Variants in EFCAB8 observed in about 807,000 individuals in gnomAD.
EFCAB8 encodes the protein EF-hand calcium binding domain 8.
Under a neutral mutation model 116.3 loss-of-function variants are expected in EFCAB8, and 100 were observed. That is an observed-to-expected ratio of 0.86 (90% confidence interval 0.73 to 1.02). The LOEUF (loss-of-function observed/expected upper bound fraction) is 1.02. EFCAB8 is among the 50% of genes least tolerant of loss of function. EFCAB8 has a pLI of 0.00. For synonymous variants in EFCAB8, 558 were observed against 567.9 expected (o/e 0.98, Z 0.25); for missense variants, 1,320 against 1,416.9 (o/e 0.93, Z 1.10).
At chr20:32,915,409 G>T (rs1365465531) in intron 17 of EFCAB8, among the ~76,000 whole-genome samples, 1 of 152,146 alleles carries the variant, frequency 6.6e-6, no homozygotes, top group Non-Finnish European at 1.5e-5. Flanking sequence ...TTGCCATTTT[G>T]TAACAAGTAT....
At chr20:32,948,537 AAAG>A (rs1409482267) in intron 23 of EFCAB8, among the ~76,000 whole-genome samples, 2 of 121,270 alleles carry the variant, frequency 1.6e-5, no homozygotes, top group Non-Finnish European at 3.5e-5. Context: ...AGAAAGAAAG[AAAG>A]AAAGAAAGAA....
chr20:32,863,977 A>G (rs914808997), intron 2 of EFCAB8, 143 bp downstream of exon 2: 1 of 949,120 alleles, frequency 1.1e-6, no homozygotes, highest in Non-Finnish European at 1.5e-6. Flanking sequence ...AGGTAACTTA[A>G]GTGTATTTTT....
intron 13 of EFCAB8, 85 bp downstream of exon 13, chr20:32,907,079 G>C: frequency 6.9e-7 from 1 of 1,442,212 alleles, no homozygotes; most frequent in Non-Finnish European, 9.1e-7. Context: ...CCTGCCCACG[G>C]CCCCACATCT....
At chr20:32,912,669 C>T in intron 16 of EFCAB8, 125 bp from the exon 17 acceptor site, 1 of 695,836 alleles carries the variant, frequency 1.4e-6, no homozygotes, top group Non-Finnish European at 2.6e-6. Flanking sequence ...GGTGGTATCA[C>T]CTGTAGGTGA....
chr20:32,892,312 G>T lies in EFCAB8; in HGVS notation c.758+15G>T. On this transcript the variant is annotated intron_variant, in intron 8 of 26. Transcript: ENST00000400522. ...ATGGACTACTGGTGAGTCTCCACTG[G>T]GTGTTCCTCACATGAACCAGGAGGC... 6.4e-7 allele frequency: 1 copy of T among 1,550,790 alleles called. No individual in the cohort carries two copies.
intron 22 of EFCAB8, among the ~76,000 whole-genome samples, chr20:32,933,376 A>T (rs764629387): frequency 7.9e-5 from 12 of 152,282 alleles, no homozygotes; most frequent in Middle Eastern, 6.8e-3. Context: ...GACATTTCTG[A>T]GGCACAGTGT....
chr20:32,957,690 C>G (rs767727419), intron 23 of EFCAB8, among the ~76,000 whole-genome samples: 1 of 152,082 alleles, frequency 6.6e-6, no homozygotes, highest in Non-Finnish European at 1.5e-5. Flanking sequence ...ATCATGCCAG[C>G]CACAGTGGAT....
At chr20:32,882,011 A>G (rs1284122363) in intron 5 of EFCAB8, among the ~76,000 whole-genome samples, 2 of 152,176 alleles carry the variant, frequency 1.3e-5, no homozygotes, top group Non-Finnish European at 2.9e-5. Context: ...AGTCCTGGCC[A>G]ACATGGTGAA....
At position 32,879,683 on chromosome 20, in the gene EFCAB8, G is replaced by A. The variant is rs1211047354; in HGVS notation, c.431+876G>A. On this transcript the variant is annotated intron_variant, in intron 5 of 26. Transcript: ENST00000400522. ...AGGACAGAGGGGCGATGAGCCAAGC[G>A]TAATACATGGCGGAAATAGCAAGGA... 4.6e-5 allele frequency among the ~76,000 whole-genome samples: 7 copies of A among 152,272 alleles called. No homozygotes were observed. The East Asian group carries it at 5.8e-4, about 13-fold the overall frequency.
chr20:32,953,788 G>T (rs1236381742), intron 23 of EFCAB8, among the ~76,000 whole-genome samples: 1 of 152,026 alleles, frequency 6.6e-6, no homozygotes, highest in African/African-American at 2.4e-5. Flanking sequence ...TTTTCATTGG[G>T]TTGATTGTTG....
chr20:32,960,071 AG>A lies in EFCAB8; in HGVS notation c.3304del (p.Val1102SerfsTer27), dbSNP rs1339358868. 4 of 1,551,570 alleles carry A rather than the reference AG, an allele frequency of 2.6e-6. No homozygotes were observed. The highest frequency in any genetic ancestry group is 3.5e-6 in the Non-Finnish European group (4 of 1,146,994). ...WESRDKQVSK[V>X]LGAAYKPKER... ...GGGCGTGGCTCCTGCAGGTGAGCAA[AG>A]TCTTGGGAGCGGCGTATAAGCCCAA... On this transcript the variant is annotated frameshift_variant, in exon 26 of 27. Transcript: ENST00000400522. LOFTEE classifies it high-confidence loss of function.
At chr20:32,866,885 C>T (rs1421540341) in intron 2 of EFCAB8, among the ~76,000 whole-genome samples, 1 of 144,758 alleles carries the variant, frequency 6.9e-6, no homozygotes, top group African/African-American at 2.5e-5. Context: ...TTCCTTCCTT[C>T]CTTTCTTTCT....
At chr20:32,899,097 A>G (rs1986301386) in intron 11 of EFCAB8, among the ~76,000 whole-genome samples, 1 of 152,166 alleles carries the variant, frequency 6.6e-6, no homozygotes, top group Admixed American at 6.5e-5. Context: ...TTGAAAAACT[A>G]GTTAGTCACC....
At chr20:32,863,105 CCTGTGCGTGT>C (rs1160310749) in intron 1 of EFCAB8, among the ~76,000 whole-genome samples, 2 of 152,128 alleles carry the variant, frequency 1.3e-5, no homozygotes, top group African/African-American at 4.8e-5. Flanking sequence ...TGGTCTGCCC[CCTGTGCGTGT>C]CTTGGGCTTA....
At chr20:32,932,391 T>C (rs1043760693) in intron 22 of EFCAB8, among the ~76,000 whole-genome samples, 1 of 151,670 alleles carries the variant, frequency 6.6e-6, no homozygotes, top group African/African-American at 2.4e-5. Flanking sequence ...AAAAAAATTA[T>C]TCAGTACTAC....
Position 32,885,537 on chromosome 20 carries a change from T to C in EFCAB8, c.464T>C (p.Phe155Ser). The C allele has an allele frequency of 6.4e-7, 1 of 1,551,694 alleles. No individual in the cohort carries two copies. The change falls in exon 6 of 27, where the codon TTT (phenylalanine) becomes TCT (serine). Residue 155 changes from phenylalanine to serine, a missense_variant. Transcript: ENST00000400522. ...GGCTGTGAGGTGGTGAAGGTGGTGT[T>C]TTTAATCCACCGGTTCAAGAAGATC... ...NHGCEVVKVV[F>S]LIHRFKKIGC...
At chr20:32,922,813 TTC>T (rs150322386) in intron 20 of EFCAB8, among the ~76,000 whole-genome samples, 1 of 151,210 alleles carries the variant, frequency 6.6e-6, no homozygotes, top group Non-Finnish European at 1.5e-5. Context: ...GAATGAGTAC[TTC>T]TCTCTCTCTC....
rs1984366235 is a variant in EFCAB8 at position 32,865,776 on chromosome 20, CAG to C, written c.43-1803_43-1802del. 6.2e-5 allele frequency among the ~76,000 whole-genome samples: 9 copies of C among 144,988 alleles called. No homozygotes were observed. The South Asian group carries it at 2.0e-3, about 32-fold the overall frequency. Reference sequence around the variant, plus strand: ...ATCGCACCACGCTCCAGCTGGGTGACAGAGTGAGACTCTGTCTCAAAAAAAAA... The same window carrying C: ...ATCGCACCACGCTCCAGCTGGGTGACAGTGAGACTCTGTCTCAAAAAAAAA... On this transcript the variant is annotated intron_variant, in intron 2 of 26. Coordinates refer to ENST00000400522, the MANE Select transcript of EFCAB8 (RefSeq NM_001143967.2).
At chr20:32,918,784 C>G (rs755493392) in intron 19 of EFCAB8, among the ~76,000 whole-genome samples, 12 of 152,176 alleles carry the variant, frequency 7.9e-5, no homozygotes, top group Non-Finnish European at 1.5e-4. Context: ...GGGCTAGGTC[C>G]CTTTCCAGGG....
Sources: gnomAD v4.1 joint callset for allele counts (sites outside exome capture counted in the v4.1 genomes callset) on GRCh38, gnomAD v4.1.1 for gene constraint, MANE v1.5 for transcripts, NCBI Gene and HGNC (gene_info 2026-07-23, HGNC 2026-07-21) for gene names.